The following BEAN1 variants were observed in gnomAD, a reference collection of about 807,000 sequenced individuals.
BEAN1 encodes the protein protein BEAN1.
Under a neutral mutation model 17.7 loss-of-function variants are expected in BEAN1, and 17 were observed. That is an observed-to-expected ratio of 0.96 (90% CI 0.66 to 1.44). BEAN1 has a LOEUF of 1.44. BEAN1 is among the 40% of genes most tolerant of loss of function. The pLI, the probability that BEAN1 is intolerant of heterozygous loss-of-function variation, is 0.00. For missense variants in BEAN1, 359 were observed against 374.1 expected, an observed-to-expected ratio of 0.96 and a Z score of 0.33; for synonymous variants, 142 against 151.8, an observed-to-expected ratio of 0.94 and a Z score of 0.47.
Position 66,434,136 on chromosome 16 carries a change from T to C in BEAN1, c.-82-3459T>C, listed in dbSNP as rs1351768588. On this transcript the variant is annotated intron_variant, in intron 1 of 4. Coordinates refer to ENST00000536005, the MANE Select transcript of BEAN1 (RefSeq NM_001178020.3). This position sits in a 1 kb window ranked among gnomAD's most constrained non-coding sequence, Gnocchi z 4.3. ...GTCACTGGCAGGAGCGAGCCTCGCA[T>C]GCTGGGCTCAAAGAGAGGCGGGCAG... Among the ~76,000 whole-genome samples the C allele has an allele frequency of 2.0e-5, 3 of 152,190 alleles. No homozygotes were observed. Among genetic ancestry groups the C allele is most frequent in the Non-Finnish European group, 4.4e-5 (3 of 68,032 alleles).
rs192953761 is a variant in BEAN1 at position 66,432,736 on chromosome 16, A to G, written c.-82-4859A>G. 3.0e-3 allele frequency among the ~76,000 whole-genome samples: 455 copies of G among 152,164 alleles called. 3 individuals carry two copies. Among genetic ancestry groups the G allele is most frequent in the African/African-American group, 0.011 (442 of 41,514 alleles). ...CTCCTCCTTCTTCCTCACCCTCTCT[A>G]TCAGATCCATCTGTCCCTAAAACCC... On this transcript the variant is annotated intron_variant, in intron 1 of 4. Coordinates refer to ENST00000536005, the MANE Select transcript of BEAN1 (RefSeq NM_001178020.3).
chr16:66,453,893 C>T (rs1295796586), intron 2 of BEAN1, among the ~76,000 whole-genome samples: 1 of 152,144 alleles, frequency 6.6e-6, no homozygotes, highest in Non-Finnish European at 1.5e-5. Flanking sequence ...GCCACCACAC[C>T]TGGCTAATTT....
chr16:66,470,723 G>A (rs141319409), intron 3 of BEAN1, among the ~76,000 whole-genome samples: 8 of 152,312 alleles, frequency 5.3e-5, no homozygotes, highest in Non-Finnish European at 1.2e-4. Flanking sequence ...CTGTGCATGT[G>A]GCTAGAATGC....
chr16:66,465,357 C>T (rs1270443940), intron 2 of BEAN1, among the ~76,000 whole-genome samples: 1 of 152,030 alleles, frequency 6.6e-6, no homozygotes, highest in Admixed American at 6.6e-5. Flanking sequence ...ATTTTCTTTT[C>T]TTGTAATGTC....
chr16:66,461,196 G>T (rs1394994538), intron 2 of BEAN1, among the ~76,000 whole-genome samples: 2 of 149,678 alleles, frequency 1.3e-5, no homozygotes, highest in African/African-American at 4.9e-5. Flanking sequence ...GAGACCGGGG[G>T]TGGGAAGGGG....
intron 2 of BEAN1, among the ~76,000 whole-genome samples, chr16:66,467,749 G>T (rs575782336): frequency 6.6e-6 from 1 of 152,180 alleles, no homozygotes; most frequent in Non-Finnish European, 1.5e-5. Flanking sequence ...CCAGGGGAGC[G>T]TCTTACAGTG....
chr16:66,428,764 G>A (rs1263363014), intron 1 of BEAN1, among the ~76,000 whole-genome samples: 1 of 152,184 alleles, frequency 6.6e-6, no homozygotes, highest in African/African-American at 2.4e-5. Flanking sequence ...AGTAGATGCT[G>A]AGATTCAGTG....
intron 3 of BEAN1, among the ~76,000 whole-genome samples, chr16:66,475,158 C>G (rs1444062830): frequency 6.6e-6 from 1 of 152,106 alleles, no homozygotes; most frequent in Non-Finnish European, 1.5e-5. Flanking sequence ...TCTGTGCCGA[C>G]AGGGAAGTCA....
intron 2 of BEAN1, among the ~76,000 whole-genome samples, chr16:66,457,808 G>GGAGA (rs1280143722): frequency 6.6e-6 from 1 of 151,702 alleles, no homozygotes; most frequent in East Asian, 1.9e-4. Context: ...CAGCAGCAGA[G>GGAGA]GAGACTCAGA....
chr16:66,489,730 G>C (rs1168143773), intron 4 of BEAN1, among the ~76,000 whole-genome samples: 2 of 152,218 alleles, frequency 1.3e-5, no homozygotes, highest in Non-Finnish European at 2.9e-5. Context: ...AGACAGGGCT[G>C]TCTGCACAGA....
chr16:66,477,579 C>T lies in BEAN1; in HGVS notation c.309C>T (p.Tyr103=). Residue 103 remains tyrosine (Y), a synonymous_variant, in exon 4 of 5, where the codon TAC becomes TAT. Coordinates refer to ENST00000536005, the MANE Select transcript of BEAN1 (RefSeq NM_001178020.3). ...CTGCAGTGTCGGACGAGCACACATA[C>T]AGCCGCTCAAGCCGCAGGATGCGCT... The part of the protein sequence containing the change: ...EHGYVSDEHT[Y]SRSSRRMRYA... The T allele has an allele frequency of 6.5e-7, 1 of 1,547,376 alleles. No homozygotes were observed. Among genetic ancestry groups the T allele is most frequent in the Non-Finnish European group, 8.7e-7 (1 of 1,145,766 alleles).
intron 2 of BEAN1, among the ~76,000 whole-genome samples, chr16:66,461,062 A>C (rs1963064208): frequency 6.6e-6 from 1 of 151,786 alleles, no homozygotes; most frequent in African/African-American, 2.4e-5. Context: ...AGAAGAGCCT[A>C]TTTTTTTGAG....
At chr16:66,478,507 C>T (rs1963855216) in intron 4 of BEAN1, among the ~76,000 whole-genome samples, 1 of 152,174 alleles carries the variant, frequency 6.6e-6, no homozygotes, top group Non-Finnish European at 1.5e-5. Context: ...GAGGCTGAGG[C>T]AGGAGAATCG....
At chr16:66,472,731 GA>G (rs1433077055) in intron 3 of BEAN1, among the ~76,000 whole-genome samples, 5 of 151,898 alleles carry the variant, frequency 3.3e-5, no homozygotes, top group Non-Finnish European at 5.9e-5. Flanking sequence ...TAAAGAATAG[GA>G]AACTGGGCTG....
chr16:66,462,689 T>G (rs1175560105), intron 2 of BEAN1, among the ~76,000 whole-genome samples: 1 of 151,996 alleles, frequency 6.6e-6, no homozygotes, highest in African/African-American at 2.4e-5. Flanking sequence ...TAATCCCAGC[T>G]ACTTGGGAGG....
chr16:66,450,647 G>A (rs1423775635), intron 2 of BEAN1, among the ~76,000 whole-genome samples: 1 of 152,160 alleles, frequency 6.6e-6, no homozygotes, highest in African/African-American at 2.4e-5. Flanking sequence ...GAGCATAGGA[G>A]TTCAAGGCGG....
chr16:66,439,533 A>G (rs1273584422), intron 2 of BEAN1, among the ~76,000 whole-genome samples: 2 of 152,106 alleles, frequency 1.3e-5, no homozygotes, highest in East Asian at 3.9e-4. Flanking sequence ...AGGCCATTGG[A>G]AGCTGGGTCC....
At chr16:66,443,977 G>A (rs1427721291) in intron 2 of BEAN1, among the ~76,000 whole-genome samples, 1 of 152,084 alleles carries the variant, frequency 6.6e-6, no homozygotes. Flanking sequence ...CACCCAGCCC[G>A]CTCATCTTAA....
chr16:66,491,141 G>A (rs1055502935), intron 4 of BEAN1, among the ~76,000 whole-genome samples: 1 of 152,220 alleles, frequency 6.6e-6, no homozygotes, highest in Non-Finnish European at 1.5e-5. Flanking sequence ...GGGGAGGGCC[G>A]GCTCGATGTC....
Sources: allele counts gnomAD v4.1 joint callset (sites outside exome capture counted in the v4.1 genomes callset), GRCh38; gene constraint gnomAD v4.1.1; non-coding constraint Gnocchi (gnomAD v3.1); transcripts MANE v1.5; gene names NCBI Gene and HGNC (gene_info 2026-07-23, HGNC 2026-07-21).